SLC8A1: variants seen among roughly 807,000 people sequenced by gnomAD.
The protein encoded by SLC8A1 is sodium/calcium exchanger 1.
Under a neutral mutation model 68.3 loss-of-function variants are expected in SLC8A1, and 18 were observed. The observed-to-expected ratio is 0.26, with a 90% CI of 0.18 to 0.39. The LOEUF (loss-of-function observed/expected upper bound fraction) is 0.39. Ranked by LOEUF, SLC8A1 falls within the 10% of genes least tolerant of loss-of-function variation. The probability of loss-of-function intolerance (pLI) is 1.00; values close to 1 mark genes in which losing one functional copy is unlikely to be tolerated. For missense variants in SLC8A1, 985 were observed against 1,156.7 expected, an observed-to-expected ratio of 0.85 and a Z score of 2.15; for synonymous variants, 475 against 415.5, an observed-to-expected ratio of 1.14 and a Z score of -1.74.
chr2:40,310,774 G>A (rs142037418), intron 2 of SLC8A1, among the ~76,000 whole-genome samples: 174 of 152,120 alleles, frequency 1.1e-3, no homozygotes, highest in African/African-American at 3.9e-3. Context: ...ATAGCTCACT[G>A]CCATGGGACC....
At chr2:40,356,379 G>A (rs1672670397) in intron 2 of SLC8A1, among the ~76,000 whole-genome samples, 2 of 152,074 alleles carry the variant, frequency 1.3e-5, no homozygotes, top group African/African-American at 4.8e-5. Context: ...AAAGACCACA[G>A]AGAATCTAGT....
At chr2:40,344,031 T>G (rs1188997637) in intron 2 of SLC8A1, among the ~76,000 whole-genome samples, 2 of 152,118 alleles carry the variant, frequency 1.3e-5, no homozygotes, top group Non-Finnish European at 2.9e-5. Context: ...GTGTGTACGA[T>G]GGCAATATAA....
At chr2:40,309,502 CTTTTT>C (rs34863585) in intron 2 of SLC8A1, among the ~76,000 whole-genome samples, 8 of 123,260 alleles carry the variant, frequency 6.5e-5, no homozygotes, top group South Asian at 5.4e-4. Flanking sequence ...GAATATTTTA[CTTTTT>C]TTTTTTTTTT....
At position 40,206,025 on chromosome 2, in the gene SLC8A1, A is replaced by C. The variant is rs116984009; in HGVS notation, c.1809-28170T>G. 7.4e-4 allele frequency among the ~76,000 whole-genome samples: 113 copies of C among 152,130 alleles called. 3 individuals are homozygous for C. In the East Asian group the frequency reaches 0.018, roughly 24 times the overall value. ...CATGAAAATAAAATATATTTAATGAAAAGATTTGATTGGAAAAAGTAAAGT... is the reference window on the plus strand; with the variant it reads ...CATGAAAATAAAATATATTTAATGACAAGATTTGATTGGAAAAAGTAAAGT... On this transcript the variant is annotated intron_variant, in intron 2 of 7. Transcript: ENST00000406785.
At chr2:40,203,663 G>T (rs1337383355) in intron 2 of SLC8A1, among the ~76,000 whole-genome samples, 2 of 151,974 alleles carry the variant, frequency 1.3e-5, no homozygotes, top group Non-Finnish European at 2.9e-5. Context: ...GCTGCTAAAG[G>T]TTGGGGGGAT....
At chr2:40,238,681 A>C (rs990885903) in intron 2 of SLC8A1, among the ~76,000 whole-genome samples, 1 of 152,230 alleles carries the variant, frequency 6.6e-6, no homozygotes, top group Non-Finnish European at 1.5e-5. Context: ...CTATGCAATC[A>C]GTCTTCTATA....
intron 2 of SLC8A1, among the ~76,000 whole-genome samples, chr2:40,403,998 G>T (rs1689560906): frequency 6.6e-6 from 1 of 152,154 alleles, no homozygotes; most frequent in East Asian, 1.9e-4. Context: ...TGGATTTGCA[G>T]ATACACTGGT....
At chr2:40,488,448 T>C (rs1705110321) in intron 1 of SLC8A1, among the ~76,000 whole-genome samples, 1 of 131,378 alleles carries the variant, frequency 7.6e-6, no homozygotes, top group African/African-American at 3.3e-5. Context: ...ACCCACTTTC[T>C]AGTTTGTGTG....
At chr2:40,508,209 A>T (rs1490434587) in intron 1 of SLC8A1, among the ~76,000 whole-genome samples, 1 of 152,084 alleles carries the variant, frequency 6.6e-6, no homozygotes, top group Non-Finnish European at 1.5e-5. Flanking sequence ...TACATATTCA[A>T]TGGAGTCTTC....
chr2:40,388,621 C>T (rs1684339921), intron 2 of SLC8A1, among the ~76,000 whole-genome samples: 1 of 152,110 alleles, frequency 6.6e-6, no homozygotes, highest in Non-Finnish European at 1.5e-5. Flanking sequence ...TTGTTAAACA[C>T]ACTGGTTTTT....
chr2:40,274,008 C>G (rs558818866), intron 2 of SLC8A1, among the ~76,000 whole-genome samples: 2 of 151,738 alleles, frequency 1.3e-5, no homozygotes, highest in East Asian at 3.9e-4. Flanking sequence ...GTGCCCCTCT[C>G]TCCACAGCCC....
At chr2:40,261,966 C>CTTTT (rs35330106) in intron 2 of SLC8A1, among the ~76,000 whole-genome samples, 4,665 of 142,072 alleles carry the variant, frequency 0.033, 102 homozygotes, top group Non-Finnish European at 0.053. Context: ...TGTCTTTTCA[C>CTTTT]TTTTTTTTTT....
At chr2:40,326,563 C>T (rs2075848397) in intron 2 of SLC8A1, among the ~76,000 whole-genome samples, 1 of 152,138 alleles carries the variant, frequency 6.6e-6, no homozygotes, top group African/African-American at 2.4e-5. Flanking sequence ...TCCCCACCTT[C>T]CTTCTTAACT....
intron 6 of SLC8A1, among the ~76,000 whole-genome samples, chr2:40,155,512 A>C (rs2044308755): frequency 6.6e-6 from 1 of 152,146 alleles, no homozygotes; most frequent in South Asian, 2.1e-4. Flanking sequence ...ATTTCCCCAT[A>C]GTAATGATGT....
intron 1 of SLC8A1, among the ~76,000 whole-genome samples, chr2:40,436,279 G>T (rs1335098251): frequency 1.3e-5 from 2 of 152,070 alleles, no homozygotes; most frequent in Non-Finnish European, 2.9e-5. Flanking sequence ...ACAGGGTCAC[G>T]TGCTGATTCA....
At chr2:40,197,725 A>AT (rs1002590475) in intron 2 of SLC8A1, among the ~76,000 whole-genome samples, 5 of 151,838 alleles carry the variant, frequency 3.3e-5, no homozygotes, top group African/African-American at 9.7e-5. Flanking sequence ...TCTCCCAGAC[A>AT]TTTTCCTGTT....
intron 2 of SLC8A1, among the ~76,000 whole-genome samples, chr2:40,387,422 A>G (rs546894834): frequency 6.6e-6 from 1 of 151,510 alleles, no homozygotes; most frequent in East Asian, 1.9e-4. Flanking sequence ...AAAGTTTCCA[A>G]AACTCAAACT....
intron 2 of SLC8A1, among the ~76,000 whole-genome samples, chr2:40,390,745 C>A (rs1414117457): frequency 6.6e-6 from 1 of 152,090 alleles, no homozygotes; most frequent in Non-Finnish European, 1.5e-5. Flanking sequence ...TTTGTCCCAG[C>A]AACATTTTAA....
At chr2:40,251,986 AG>A (rs1307513458) in intron 2 of SLC8A1, among the ~76,000 whole-genome samples, 1 of 151,388 alleles carries the variant, frequency 6.6e-6, no homozygotes, top group Non-Finnish European at 1.5e-5. Context: ...AAGTTTAGTG[AG>A]AAAAAAGTTT....
Sources: allele counts gnomAD v4.1 joint callset (sites outside exome capture counted in the v4.1 genomes callset), GRCh38; gene constraint gnomAD v4.1.1; transcripts MANE v1.5; gene names NCBI Gene and HGNC (gene_info 2026-07-23, HGNC 2026-07-21).